DGLUCY: variants seen among roughly 807,000 people sequenced by gnomAD.
DGLUCY encodes the protein D-glutamate cyclase.
A neutral mutation model predicts 58.5 loss-of-function variants in DGLUCY; 58 were observed. The observed-to-expected ratio is 0.99, with a 90% confidence interval of 0.80 to 1.23. DGLUCY has a LOEUF of 1.23. Ranked by LOEUF, DGLUCY falls within the 50% of genes most tolerant of loss-of-function variation. DGLUCY has a pLI of 0.00. For missense variants in DGLUCY, 779 were observed against 784.7 expected (o/e 0.99, Z 0.09); for synonymous variants, 325 against 314.1 (o/e 1.03, Z -0.37).
chr14:91,095,187 G>A (rs540043013), intron 1 of DGLUCY, among the ~76,000 whole-genome samples: 4 of 152,152 alleles, frequency 2.6e-5, no homozygotes, highest in East Asian at 1.9e-4. Context: ...GTCCATCCTC[G>A]GCGGTCCTGC....
intron 8 of DGLUCY, among the ~76,000 whole-genome samples, chr14:91,187,501 TTGG>T (rs1318842087): frequency 9.2e-5 from 14 of 152,220 alleles, no homozygotes; most frequent in Admixed American, 2.0e-4. Context: ...GCTGCCTGGC[TTGG>T]TGGCCACTGG....
In DGLUCY at chr14:91,136,433, A is replaced by G. The variant is rs180832108; in HGVS notation, c.-81-21206A>G. Among the ~76,000 whole-genome samples the G allele has an allele frequency of 1.6e-3, 250 of 152,252 alleles. 1 individual carries two copies. Among genetic ancestry groups the G allele is most frequent in the African/African-American group, 5.8e-3 (240 of 41,568 alleles). On this transcript the variant is annotated intron_variant, in intron 1 of 13. Coordinates refer to ENST00000256324, the MANE Select transcript of DGLUCY (RefSeq NM_001102368.3). ...CGCTATGGCTCACACCTGTAACCCC[A>G]GCACTTTGGGAGGCCAAGGCAGGCA...
intron 1 of DGLUCY, among the ~76,000 whole-genome samples, chr14:91,081,492 C>G (rs1437953954): frequency 6.6e-6 from 1 of 152,186 alleles, no homozygotes; most frequent in East Asian, 1.9e-4. Flanking sequence ...ACTGCTGTTG[C>G]AAATAAATTA....
At chr14:91,210,816 G>A (rs1367015604) in intron 12 of DGLUCY, among the ~76,000 whole-genome samples, 1 of 152,190 alleles carries the variant, frequency 6.6e-6, no homozygotes, top group Non-Finnish European at 1.5e-5. Flanking sequence ...AGGCAATGAT[G>A]TTCCCTCTTA....
At chr14:91,223,594 G>T in intron 13 of DGLUCY, 1 of 1,119,994 alleles carries the variant, frequency 8.9e-7, no homozygotes. Flanking sequence ...TTAGTGGCTT[G>T]GGCAAGTGGT....
intron 1 of DGLUCY, among the ~76,000 whole-genome samples, chr14:91,140,317 T>C (rs1217416324): frequency 2.6e-5 from 4 of 152,240 alleles, no homozygotes; most frequent in Non-Finnish European, 5.9e-5. Context: ...CCAAAATCTA[T>C]GTCTCAATGA....
intron 1 of DGLUCY, among the ~76,000 whole-genome samples, chr14:91,063,217 A>T (rs1235073995): frequency 6.6e-6 from 1 of 151,388 alleles, no homozygotes; most frequent in Non-Finnish European, 1.5e-5. Context: ...ATGTTCACCA[A>T]TCTCATTTCC....
At chr14:91,180,259 G>A (rs1019127221) in intron 7 of DGLUCY, among the ~76,000 whole-genome samples, 1 of 151,730 alleles carries the variant, frequency 6.6e-6, no homozygotes, top group African/African-American at 2.4e-5. Flanking sequence ...TATCATTACA[G>A]TCAAAGAAAC....
intron 1 of DGLUCY, among the ~76,000 whole-genome samples, chr14:91,101,814 C>A (rs899499211): frequency 6.6e-6 from 1 of 152,202 alleles, no homozygotes; most frequent in Non-Finnish European, 1.5e-5. Context: ...CCCATTTCAG[C>A]CTCTCAAGTG....
In DGLUCY at chr14:91,162,382, A is replaced by G. The variant is rs1056113941; in HGVS notation, c.103+1985A>G. On this transcript the variant is annotated intron_variant, in intron 3 of 13. Transcript: ENST00000256324. ...AGAAAAGTGTTACTGCCTTCCATGGAGCCCAAGGCAGCTGGGGGATGCACA... is the reference window on the plus strand; with the variant it reads ...AGAAAAGTGTTACTGCCTTCCATGGGGCCCAAGGCAGCTGGGGGATGCACA... Among the ~76,000 whole-genome samples the G allele has an allele frequency of 2.0e-5, 3 of 152,310 alleles. No individual in the cohort carries two copies. The East Asian group carries it at 5.8e-4, about 29-fold the overall frequency.
At position 91,190,946 on chromosome 14, in the gene DGLUCY, A is replaced by G. The variant is rs564547266; in HGVS notation, c.1195+1776A>G. On this transcript the variant is annotated intron_variant, in intron 9 of 13. Coordinates refer to ENST00000256324, the MANE Select transcript of DGLUCY (RefSeq NM_001102368.3). ...AAGGTGGGAGAGGAGGACGGTTTGG[A>G]GTGGGGGTGCCTCATGGCACATCCC... is the stretch of plus-strand genomic sequence containing the variant. 3.9e-5 allele frequency among the ~76,000 whole-genome samples: 6 copies of G among 152,164 alleles called. No individual in the cohort carries two copies. The South Asian group carries it at 1.2e-3, about 32-fold the overall frequency.
intron 13 of DGLUCY, among the ~76,000 whole-genome samples, chr14:91,219,934 T>G (rs562211460): frequency 6.6e-6 from 1 of 152,312 alleles, no homozygotes; most frequent in East Asian, 1.9e-4. Context: ...TAGGAGGGAC[T>G]GAAGGCCTCC....
intron 7 of DGLUCY, among the ~76,000 whole-genome samples, chr14:91,177,890 CAGGA>C (rs2048949309): frequency 1.3e-5 from 2 of 152,238 alleles, no homozygotes; most frequent in South Asian, 4.1e-4. Context: ...CTCCATGGGA[CAGGA>C]TGGAGTCCTC....
intron 8 of DGLUCY, among the ~76,000 whole-genome samples, chr14:91,187,093 G>A (rs780968236): frequency 2.6e-5 from 4 of 151,890 alleles, no homozygotes; most frequent in Non-Finnish European, 5.9e-5. Context: ...TCCACCTCCC[G>A]AGTTGAAGCG....
chr14:91,143,686 G>T (rs1300899418), intron 1 of DGLUCY, among the ~76,000 whole-genome samples: 1 of 152,136 alleles, frequency 6.6e-6, no homozygotes, highest in Non-Finnish European at 1.5e-5. Flanking sequence ...CACAGAGAAT[G>T]GGGGGACAAT....
At chr14:91,194,397 C>A (rs542016091) in intron 9 of DGLUCY, among the ~76,000 whole-genome samples, 10 of 152,224 alleles carry the variant, frequency 6.6e-5, no homozygotes, top group African/African-American at 2.4e-4. Context: ...TTGTGACTGT[C>A]CCCCAACCCC....
At chr14:91,201,303 A>AG (rs1187456093) in intron 11 of DGLUCY, among the ~76,000 whole-genome samples, 17 of 94,764 alleles carry the variant, frequency 1.8e-4, no homozygotes, top group African/African-American at 5.5e-4. Context: ...CTGACAGGTA[A>AG]CTTTTTTTTT....
intron 6 of DGLUCY, among the ~76,000 whole-genome samples, chr14:91,175,444 A>G (rs1300192809): frequency 6.6e-6 from 1 of 152,136 alleles, no homozygotes; most frequent in Non-Finnish European, 1.5e-5. Flanking sequence ...TCACATGAGG[A>G]TGATTCAGGG....
chr14:91,143,306 A>G (rs1286463178), intron 1 of DGLUCY, among the ~76,000 whole-genome samples: 12 of 151,968 alleles, frequency 7.9e-5, no homozygotes, highest in Non-Finnish European at 1.5e-5. Flanking sequence ...TGTGTTAGCC[A>G]GGATGGTCTT....
Sources: gnomAD v4.1 joint callset for allele counts (sites outside exome capture counted in the v4.1 genomes callset) on GRCh38, gnomAD v4.1.1 for gene constraint, MANE v1.5 for transcripts, NCBI Gene and HGNC (gene_info 2026-07-23, HGNC 2026-07-21) for gene names.